Variants in BORCS5 observed in about 807,000 individuals in gnomAD.
BORCS5 encodes the protein BLOC-1 related complex subunit 5.
In BORCS5, 17 loss-of-function variants were observed where a neutral mutation model predicts 22.1. The ratio of observed to expected loss-of-function variants is 0.77; its 90% CI spans 0.53 to 1.15. The LOEUF (loss-of-function observed/expected upper bound fraction) is 1.15. BORCS5 is among the 50% of genes most tolerant of loss of function. The probability of loss-of-function intolerance (pLI) is 0.00; values close to 1 mark genes in which losing one functional copy is unlikely to be tolerated. For synonymous variants in BORCS5, 117 were observed against 99.8 expected, an observed-to-expected ratio of 1.17 and a Z score of -1.03; for missense variants, 247 against 253.2, an observed-to-expected ratio of 0.98 and a Z score of 0.17.
chr12:12,384,762 T>C (rs1426170743), intron 2 of BORCS5, among the ~76,000 whole-genome samples: 1 of 151,336 alleles, frequency 6.6e-6, no homozygotes, highest in Non-Finnish European at 1.5e-5. Flanking sequence ...TCAGGGATTC[T>C]GGAAGGGCTC....
intron 3 of BORCS5, among the ~76,000 whole-genome samples, chr12:12,448,924 T>G (rs1007446371): frequency 2.0e-5 from 3 of 152,258 alleles, no homozygotes; most frequent in Non-Finnish European, 2.9e-5. Flanking sequence ...TTTATAATAC[T>G]CGCTGCATAG....
chr12:12,427,617 G>T (rs1942322161), intron 2 of BORCS5, among the ~76,000 whole-genome samples: 1 of 152,030 alleles, frequency 6.6e-6, no homozygotes, highest in African/African-American at 2.4e-5. Flanking sequence ...ATTGTTTTTG[G>T]GGGTATCATA....
chr12:12,467,527 C>CA lies in BORCS5; in HGVS notation c.*1752dup, dbSNP rs1274551638. 1.3e-5 allele frequency: 2 copies of CA among 152,234 alleles called. No individual in the cohort carries two copies. Among genetic ancestry groups the CA allele is most frequent in the South Asian group, 4.1e-4 (2 of 4,838 alleles). 9.4% of individuals were successfully genotyped at this position (152,234 alleles called of 1,614,324 possible). ...CTTCTAAAGTAGAAGTTAGACAAAACATGGGGTTCACTTAGACTGGGGTCC... is the reference window on the plus strand; with the variant it reads ...CTTCTAAAGTAGAAGTTAGACAAAACAATGGGGTTCACTTAGACTGGGGTCC... On this transcript the variant is annotated 3_prime_UTR_variant, in exon 4 of 4. Coordinates refer to ENST00000314565, the MANE Select transcript of BORCS5 (RefSeq NM_058169.6).
chr12:12,405,386 G>T (rs1159885118), intron 2 of BORCS5, among the ~76,000 whole-genome samples: 1 of 152,154 alleles, frequency 6.6e-6, no homozygotes, highest in African/African-American at 2.4e-5. Flanking sequence ...TTTGGCTACT[G>T]TATTATCTCC....
At chr12:12,433,322 C>CAAAAAAAA (rs34833037) in intron 2 of BORCS5, among the ~76,000 whole-genome samples, 29 of 40,692 alleles carry the variant, frequency 7.1e-4, no homozygotes, top group African/African-American at 2.0e-3. Flanking sequence ...GACTGTGTCT[C>CAAAAAAAA]AAAAAAAAAA....
intron 2 of BORCS5, among the ~76,000 whole-genome samples, chr12:12,372,676 G>A (rs12427413): frequency 0.35 from 53,690 of 151,780 alleles, 10,183 homozygotes; most frequent in East Asian, 0.66. Context: ...CTACTAAGGT[G>A]AAATCCTTCT....
At chr12:12,437,742 T>G (rs779489321) in intron 3 of BORCS5, among the ~76,000 whole-genome samples, 1 of 152,222 alleles carries the variant, frequency 6.6e-6, no homozygotes, top group African/African-American at 2.4e-5. Flanking sequence ...TGGGAAATGC[T>G]ATTGTAGACA....
At chr12:12,414,720 G>A (rs1941877900) in intron 2 of BORCS5, among the ~76,000 whole-genome samples, 1 of 134,258 alleles carries the variant, frequency 7.4e-6, no homozygotes, top group African/African-American at 2.9e-5. Flanking sequence ...GGATGGGGTG[G>A]CTGCCGGGCG....
Position 12,357,493 on chromosome 12 carries a change from C to A in BORCS5, c.42C>A (p.Asn14Lys), listed in dbSNP as rs1370779236. The change falls in exon 1 of 4, where the codon AAC becomes AAA. Residue 14 changes from asparagine to lysine, a missense_variant. Transcript: ENST00000314565. ...EQSSEAESRP[N>K]DLNSSVTPSP... Reference sequence around the variant, plus strand: ...GCTCCGAGGCCGAGAGCCGACCCAACGATCTGAACTCCTCAGGTCGGTGTC... The same window carrying A: ...GCTCCGAGGCCGAGAGCCGACCCAAAGATCTGAACTCCTCAGGTCGGTGTC... The A allele has an allele frequency of 2.5e-6, 4 of 1,611,390 alleles. No individual in the cohort carries two copies. Among genetic ancestry groups the A allele is most frequent in the Admixed American group, 3.3e-5 (2 of 59,954 alleles).
chr12:12,363,296 CA>C (rs1863332842), intron 2 of BORCS5, among the ~76,000 whole-genome samples: 1 of 138,226 alleles, frequency 7.2e-6, no homozygotes, highest in African/African-American at 2.7e-5. Context: ...GATCCTGCCT[CA>C]AAAGAAAAAA....
chr12:12,461,304 G>A (rs1943099904), intron 3 of BORCS5, among the ~76,000 whole-genome samples: 2 of 151,868 alleles, frequency 1.3e-5, no homozygotes, highest in South Asian at 4.2e-4. Flanking sequence ...GAGCAGGTGG[G>A]ACTACAGGTG....
chr12:12,456,651 A>G (rs1943003376), intron 3 of BORCS5, among the ~76,000 whole-genome samples: 1 of 152,152 alleles, frequency 6.6e-6, no homozygotes, highest in Admixed American at 6.5e-5. Context: ...TTTTATTTTT[A>G]CCATATTGGA....
intron 2 of BORCS5, among the ~76,000 whole-genome samples, chr12:12,381,352 T>C (rs1565847602): frequency 6.6e-6 from 1 of 151,466 alleles, no homozygotes; most frequent in African/African-American, 2.4e-5. Context: ...AGGCCTGTGA[T>C]CCTTTTTGGA....
rs997568961 is a variant in BORCS5, at chr12:12,397,905, T to C, written c.202+36556T>C. 7.3e-4 allele frequency among the ~76,000 whole-genome samples: 111 copies of C among 152,340 alleles called. 1 individual carries two copies. The highest frequency in any genetic ancestry group is 2.6e-3 in the African/African-American group (110 of 41,566). ...CTAGAATGGAATTTGGGGCTTACAT[T>C]TTCCTTACTATCATATAGCTGTTTC... On this transcript the variant is annotated intron_variant, in intron 2 of 3. Transcript: ENST00000314565.
chr12:12,443,441 T>C (rs1156882500), intron 3 of BORCS5, among the ~76,000 whole-genome samples: 2 of 152,250 alleles, frequency 1.3e-5, no homozygotes, highest in Non-Finnish European at 2.9e-5. Flanking sequence ...AACCTTTCTT[T>C]TCTGTAAGAA....
chr12:12,362,893 C>T (rs959280481), intron 2 of BORCS5, among the ~76,000 whole-genome samples: 1 of 151,792 alleles, frequency 6.6e-6, no homozygotes, highest in African/African-American at 2.4e-5. Flanking sequence ...TCAGGTGATC[C>T]ACCCACCTCG....
At chr12:12,415,641 C>T (rs1254998230) in intron 2 of BORCS5, among the ~76,000 whole-genome samples, 1 of 144,562 alleles carries the variant, frequency 6.9e-6, no homozygotes, top group East Asian at 2.1e-4. Context: ...GATTGATTTT[C>T]GTGTGTTGAA....
At chr12:12,450,681 T>C (rs770215136) in intron 3 of BORCS5, among the ~76,000 whole-genome samples, 1 of 152,174 alleles carries the variant, frequency 6.6e-6, no homozygotes, top group Non-Finnish European at 1.5e-5. Flanking sequence ...ATTAGCTCTT[T>C]AGAAAAAATA....
At chr12:12,383,747 AT>A (rs34334392) in intron 2 of BORCS5, among the ~76,000 whole-genome samples, 1 of 148,422 alleles carries the variant, frequency 6.7e-6, no homozygotes, top group Non-Finnish European at 1.5e-5. Flanking sequence ...TCATTTCAGG[AT>A]TTTTTTTTCC....
Sources: allele counts gnomAD v4.1 joint callset (sites outside exome capture counted in the v4.1 genomes callset), GRCh38; gene constraint gnomAD v4.1.1; transcripts MANE v1.5; gene names NCBI Gene and HGNC (gene_info 2026-07-23, HGNC 2026-07-21).